Variants in DNAH8 observed in about 807,000 individuals in gnomAD.
The protein encoded by DNAH8 is axonemal beta dynein heavy chain 8.
Under a neutral mutation model 562.1 loss-of-function variants are expected in DNAH8, and 382 were observed. The observed-to-expected ratio is 0.68, with a 90% CI of 0.63 to 0.74. The LOEUF (loss-of-function observed/expected upper bound fraction) is 0.74, where lower values mean the gene tolerates loss of function less well. Ranked by LOEUF, DNAH8 falls within the 30% of genes least tolerant of loss-of-function variation. The probability of loss-of-function intolerance (pLI) is 0.00; values close to 1 mark genes in which losing one functional copy is unlikely to be tolerated. For synonymous variants in DNAH8, 1,881 were observed against 1,919.4 expected, an observed-to-expected ratio of 0.98 and a Z score of 0.52; for missense variants, 5,203 against 5,620.4, an observed-to-expected ratio of 0.93 and a Z score of 2.37.
Position 38,945,728 on chromosome 6 carries a change from G to A in DNAH8, c.12129+140G>A. ...AGTTTGGATTTGAGGCTCTGTGGCTGTCTGGGAGAGATCTTGGACAGATGG... is the reference window on the plus strand; with the variant it reads ...AGTTTGGATTTGAGGCTCTGTGGCTATCTGGGAGAGATCTTGGACAGATGG... On this transcript the variant is annotated intron_variant, in intron 80 of 92. Coordinates refer to ENST00000327475, the MANE Select transcript of DNAH8 (RefSeq NM_001206927.2). The A allele has an allele frequency of 2.7e-6, 3 of 1,102,182 alleles. No homozygotes were observed. The Admixed American group carries it at 6.3e-5, about 23-fold the overall frequency. 68.3% of individuals were successfully genotyped at this position (1,102,182 alleles called of 1,614,324 possible).
chr6:38,769,621 A>G (rs1562717544), intron 11 of DNAH8, among the ~76,000 whole-genome samples: 2 of 152,202 alleles, frequency 1.3e-5, no homozygotes, highest in South Asian at 4.1e-4. Context: ...CTGTGTGCTT[A>G]TCCTCAGAAC....
chr6:38,896,184 C>G lies in DNAH8; in HGVS notation c.8899C>G (p.Pro2967Ala), dbSNP rs1236665193. 3 of 1,613,814 alleles carry G rather than the reference C, an allele frequency of 1.9e-6. No individual in the cohort carries two copies. The highest frequency in any genetic ancestry group is 2.5e-6 in the Non-Finnish European group (3 of 1,179,974). The change falls in exon 60 of 93, where the codon CCT becomes GCT. Residue 2967 changes from proline to alanine, a missense_variant. By Grantham distance (27) the Pro-to-Ala change is conservative. Transcript: ENST00000327475. ...GATGCCAGAACCAACTGGTGATGAACCTGAAGACTCTGTGTTTGAAGTACC... is the reference window on the plus strand; with the variant it reads ...GATGCCAGAACCAACTGGTGATGAAGCTGAAGACTCTGTGTTTGAAGTACC... Reference protein sequence around the residue: ...REMPEPTGDEPEDSVFEVPKI... With the variant: ...REMPEPTGDEAEDSVFEVPKI...
chr6:38,935,453 A>T, intron 76 of DNAH8, 139 bp from the exon 77 acceptor site: 1 of 619,164 alleles, frequency 1.6e-6, no homozygotes, highest in Non-Finnish European at 2.8e-6. Context: ...AGATTTGGCT[A>T]ATGATAGTAA....
chr6:38,738,653 G>A (rs758184534), intron 7 of DNAH8, among the ~76,000 whole-genome samples: 1 of 152,178 alleles, frequency 6.6e-6, no homozygotes, highest in Non-Finnish European at 1.5e-5. Flanking sequence ...GTTATGTGAG[G>A]ATCAAGGGGA....
intron 58 of DNAH8, among the ~76,000 whole-genome samples, chr6:38,893,939 G>A (rs895411446): frequency 1.4e-4 from 21 of 152,080 alleles, no homozygotes; most frequent in Admixed American, 5.2e-4. Flanking sequence ...AGAGTACCTC[G>A]AGGTTATCTC....
At chr6:39,014,386 T>A (rs1766428905) in intron 91 of DNAH8, among the ~76,000 whole-genome samples, 1 of 152,158 alleles carries the variant, frequency 6.6e-6, no homozygotes. Flanking sequence ...AATTTCTGGC[T>A]GGGGAGCATG....
intron 92 of DNAH8, among the ~76,000 whole-genome samples, chr6:39,028,833 A>G (rs9470963): frequency 0.23 from 34,718 of 152,142 alleles, 4,194 homozygotes; most frequent in Admixed American, 0.31. Flanking sequence ...GGGACTGCCC[A>G]TGGTTTTACT....
chr6:38,765,645 T>A (rs1766915198), intron 11 of DNAH8, among the ~76,000 whole-genome samples: 1 of 152,212 alleles, frequency 6.6e-6, no homozygotes, highest in South Asian at 2.1e-4. Context: ...TCTGTTTCAT[T>A]GGTCTATGTG....
At chr6:38,797,533 A>G (rs1003437759) in intron 21 of DNAH8, among the ~76,000 whole-genome samples, 2 of 152,118 alleles carry the variant, frequency 1.3e-5, no homozygotes, top group African/African-American at 4.8e-5. Context: ...CCCTGAAACT[A>G]AAAGGAATTT....
At chr6:38,779,899 G>A in intron 14 of DNAH8, 67 bp from the exon 15 acceptor site, 7 of 1,409,026 alleles carry the variant, frequency 5.0e-6, no homozygotes, top group Non-Finnish European at 7.0e-6. Flanking sequence ...TGGATGGTTA[G>A]TATGACAGCA....
At chr6:38,939,977 A>G (rs55675276) in intron 79 of DNAH8, among the ~76,000 whole-genome samples, 10,068 of 152,206 alleles carry the variant, frequency 0.066, 1,016 homozygotes, top group African/African-American at 0.21. Context: ...AAAGGTGGAT[A>G]TGGAGGCATA....
chr6:38,826,303 A>G lies in DNAH8; in HGVS notation c.3995A>G (p.Asp1332Gly). The change falls in exon 29 of 93, where the codon GAT becomes GGT. Residue 1332 changes from aspartate to glycine, a missense_variant. Physicochemically the swap from Asp to Gly is moderately conservative, Grantham distance 94. This residue lies in a region of DNAH8 where 2,176 missense variants were observed against 2,365.1 expected (regional missense o/e 0.92). Transcript: ENST00000327475. ...YLKKLSRPIR[D>G]LDDVRFAMEA... is the part of the protein sequence containing the mutation. ...AAAAAGTTATCTAGACCTATTCGTG[A>G]TTTAGATGATGTCAGATTTGCAATG... 6.2e-7 allele frequency: 1 copy of G among 1,613,544 alleles called. No homozygotes were observed. The highest frequency in any genetic ancestry group is 8.5e-7 in the Non-Finnish European group (1 of 1,179,654).
chr6:38,911,565 C>T lies in DNAH8; in HGVS notation c.9838C>T (p.Gln3280Ter). ...YAEKVKFINE[Q>*]AERMNIGLDK... ...TGAAAAGGTGAAGTTCATTAATGAA[C>T]AGGCTGAACGTATGAATATTGGTAA... Residue 3280 changes from glutamine (Q) to a stop codon, truncating the protein, a stop_gained, in exon 66 of 93, where the codon CAG becomes TAG. Coordinates refer to ENST00000327475, the MANE Select transcript of DNAH8 (RefSeq NM_001206927.2). LOFTEE classifies it high-confidence loss of function. The T allele has an allele frequency of 2.5e-6, 4 of 1,605,158 alleles. No individual in the cohort carries two copies. Among genetic ancestry groups the T allele is most frequent in the Non-Finnish European group, 3.4e-6 (4 of 1,171,994 alleles).
intron 5 of DNAH8, among the ~76,000 whole-genome samples, chr6:38,735,059 T>C (rs1582859913): frequency 1.3e-5 from 2 of 152,120 alleles, no homozygotes; most frequent in East Asian, 3.8e-4. Flanking sequence ...AGACCGAAAT[T>C]TGCCTCTTAG....
At chr6:38,847,832 G>C (rs1470882984) in intron 36 of DNAH8, among the ~76,000 whole-genome samples, 2 of 152,124 alleles carry the variant, frequency 1.3e-5, no homozygotes, top group African/African-American at 4.8e-5. Flanking sequence ...TTCCTCCATG[G>C]CATCCATTCT....
At chr6:39,009,784 A>G (rs1766064098) in intron 89 of DNAH8, among the ~76,000 whole-genome samples, 1 of 152,220 alleles carries the variant, frequency 6.6e-6, no homozygotes, top group Non-Finnish European at 1.5e-5. Context: ...GCCTCTTAAA[A>G]TAATTATTGT....
intron 7 of DNAH8, among the ~76,000 whole-genome samples, chr6:38,739,165 T>C (rs1003115080): frequency 3.3e-5 from 5 of 152,318 alleles, no homozygotes; most frequent in Non-Finnish European, 5.9e-5. Flanking sequence ...TACTACATTT[T>C]TGGAGGTTAA....
At chr6:38,723,298 T>G in intron 2 of DNAH8, 39 bp from the exon 3 acceptor site, 1 of 1,580,878 alleles carries the variant, frequency 6.3e-7, no homozygotes, top group East Asian at 2.2e-5. Context: ...TATTTTTTCT[T>G]CAGAATTGCA....
intron 18 of DNAH8, 116 bp from the exon 19 acceptor site, chr6:38,789,687 C>A: frequency 3.0e-6 from 2 of 677,746 alleles, no homozygotes; most frequent in South Asian, 2.1e-5. Context: ...GGGCAGCTGT[C>A]ATGATGACAG....
Sources: gnomAD v4.1 joint callset for allele counts (sites outside exome capture counted in the v4.1 genomes callset) on GRCh38, gnomAD v4.1.1 for gene constraint, gnomAD v4.1.1 regional missense constraint, MANE v1.5 for transcripts, NCBI Gene and HGNC (gene_info 2026-07-23, HGNC 2026-07-21) for gene names.